Variants in TENM3 observed in about 807,000 individuals in gnomAD.
TENM3 encodes teneurin transmembrane protein 3.
A neutral mutation model predicts 255.1 loss-of-function variants in TENM3; 63 were observed. That is an observed-to-expected ratio of 0.25 (90% CI 0.20 to 0.30). The LOEUF is 0.30. Among genes scored for constraint, TENM3 ranks in the 10% least tolerant of loss-of-function variants. TENM3 has a pLI of 1.00. For missense variants in TENM3, 2,929 were observed against 3,461.1 expected, an observed-to-expected ratio of 0.85 and a Z score of 3.86; for synonymous variants, 1,306 against 1,322.3, an observed-to-expected ratio of 0.99 and a Z score of 0.27.
At chr4:181,706,990 T>C in the TENM3 span, among the ~76,000 whole-genome samples, 1 of 152,218 alleles carries the variant, frequency 6.6e-6, no homozygotes, top group South Asian at 2.1e-4. Flanking sequence ...ATGTTGAATG[T>C]GTCTCACTTC....
chr4:182,316,996 T>C (rs1762787083), intron 1 of TENM3, among the ~76,000 whole-genome samples: 1 of 152,214 alleles, frequency 6.6e-6, no homozygotes, highest in Non-Finnish European at 1.5e-5. Flanking sequence ...CTGACTGATG[T>C]CAATGGCTTG....
chr4:182,423,301 A>G (rs923369175), intron 3 of TENM3, among the ~76,000 whole-genome samples: 4 of 152,208 alleles, frequency 2.6e-5, no homozygotes, highest in African/African-American at 9.6e-5. Flanking sequence ...AGAAAATATT[A>G]GTCACTCCTT....
intron 3 of TENM3, among the ~76,000 whole-genome samples, chr4:182,572,230 T>C (rs1363897203): frequency 6.6e-6 from 1 of 152,210 alleles, no homozygotes; most frequent in East Asian, 1.9e-4. Context: ...ACAGAGACTT[T>C]GTACTGATTC....
intron 3 of TENM3, among the ~76,000 whole-genome samples, chr4:182,471,679 T>G (rs1733138285): frequency 6.6e-6 from 1 of 152,064 alleles, no homozygotes; most frequent in African/African-American, 2.4e-5. Context: ...CATGTATAAA[T>G]GCTTTTACTT....
chr4:181,527,268 A>T, the TENM3 span, among the ~76,000 whole-genome samples: 1 of 152,192 alleles, frequency 6.6e-6, no homozygotes, highest in Non-Finnish European at 1.5e-5. Context: ...TTGTAAATGG[A>T]TTCCCAGTAA....
chr4:181,767,034 C>T, the TENM3 span, among the ~76,000 whole-genome samples: 8 of 146,342 alleles, frequency 5.5e-5, no homozygotes, highest in South Asian at 2.2e-4. Context: ...GGGCGGATCA[C>T]GAGGTCAGGA....
chr4:182,076,048 G>A, the TENM3 span, among the ~76,000 whole-genome samples: 4 of 151,968 alleles, frequency 2.6e-5, no homozygotes, highest in African/African-American at 4.8e-5. Flanking sequence ...TAAGTAGCTG[G>A]GAATACAGAT....
At chr4:181,650,985 A>G in the TENM3 span, among the ~76,000 whole-genome samples, 1 of 152,172 alleles carries the variant, frequency 6.6e-6, no homozygotes, top group Non-Finnish European at 1.5e-5. Flanking sequence ...CTTCTTTGCC[A>G]TTTGGGGCTT....
the TENM3 span, among the ~76,000 whole-genome samples, chr4:181,852,804 T>C: frequency 1.3e-5 from 2 of 152,162 alleles, no homozygotes; most frequent in Non-Finnish European, 2.9e-5. Flanking sequence ...GGTTCCTGTT[T>C]TACAGGTGAC....
chr4:181,450,656 T>G, the TENM3 span, among the ~76,000 whole-genome samples: 1 of 152,188 alleles, frequency 6.6e-6, no homozygotes, highest in Non-Finnish European at 1.5e-5. Flanking sequence ...ATGTCATCAT[T>G]TAAATTTCAT....
chr4:182,775,929 T>C (rs1416187286), intron 24 of TENM3, among the ~76,000 whole-genome samples: 1 of 151,440 alleles, frequency 6.6e-6, no homozygotes, highest in Non-Finnish European at 1.5e-5. Context: ...CTAAATACCA[T>C]AACAAGATAG....
chr4:182,322,408 T>A (rs1308668990), intron 1 of TENM3, among the ~76,000 whole-genome samples: 1 of 152,148 alleles, frequency 6.6e-6, no homozygotes, highest in Admixed American at 6.5e-5. Context: ...GTTGAAGACA[T>A]AGCAGGGAGG....
the TENM3 span, among the ~76,000 whole-genome samples, chr4:181,948,251 A>G: frequency 4.6e-5 from 7 of 152,150 alleles, no homozygotes; most frequent in Non-Finnish European, 1.0e-4. Context: ...CGGGGGGAAA[A>G]AATAGAGACT....
At chr4:182,589,884 G>T (rs1412951408) in intron 3 of TENM3, among the ~76,000 whole-genome samples, 2 of 152,078 alleles carry the variant, frequency 1.3e-5, no homozygotes, top group Admixed American at 6.5e-5. Flanking sequence ...TGAGGCAGGA[G>T]AATCGCTTGT....
chr4:181,957,492 T>C, the TENM3 span, among the ~76,000 whole-genome samples: 876 of 152,320 alleles, frequency 5.8e-3, 5 homozygotes, highest in Middle Eastern at 0.01. Flanking sequence ...CAAAACCCAA[T>C]TTTTAAGATA....
At chr4:182,479,830 A>G (rs1430708030) in intron 3 of TENM3, among the ~76,000 whole-genome samples, 5 of 151,984 alleles carry the variant, frequency 3.3e-5, no homozygotes, top group Admixed American at 6.6e-5. Flanking sequence ...AACCCAATAT[A>G]TATTGATTTA....
chr4:182,488,692 A>G (rs1329557226), intron 3 of TENM3, among the ~76,000 whole-genome samples: 1 of 152,174 alleles, frequency 6.6e-6, no homozygotes, highest in Non-Finnish European at 1.5e-5. Flanking sequence ...TGAAAGCCTA[A>G]TGTCATCGAA....
At chr4:181,843,478 T>C in the TENM3 span, among the ~76,000 whole-genome samples, 179 of 152,318 alleles carry the variant, frequency 1.2e-3, 3 homozygotes, top group South Asian at 0.036. Flanking sequence ...ACTAAGAATT[T>C]GAGTCTCATC....
intron 3 of TENM3, among the ~76,000 whole-genome samples, chr4:182,504,320 A>G (rs1199518932): frequency 1.3e-5 from 2 of 152,188 alleles, no homozygotes; most frequent in African/African-American, 4.8e-5. Flanking sequence ...TTATCAAATT[A>G]GCCATTCTTA....
Sources: gnomAD v4.1 joint callset for allele counts (sites outside exome capture counted in the v4.1 genomes callset) on GRCh38, gnomAD v4.1.1 for gene constraint, MANE v1.5 for transcripts, NCBI Gene and HGNC (gene_info 2026-07-23, HGNC 2026-07-21) for gene names.